The following MAGI2 variants were observed in gnomAD, a reference collection of about 807,000 sequenced individuals.
MAGI2 encodes the protein membrane-associated guanylate kinase, WW and PDZ domain-containing protein 2.
A neutral mutation model predicts 133.3 loss-of-function variants in MAGI2; 35 were observed. The ratio of observed to expected loss-of-function variants is 0.26; its 90% CI spans 0.20 to 0.35. The LOEUF (loss-of-function observed/expected upper bound fraction) is 0.35. MAGI2 is among the 10% of genes least tolerant of loss of function. The pLI, the probability that MAGI2 is intolerant of heterozygous loss-of-function variation, is 1.00. For missense variants in MAGI2, 1,636 were observed against 1,863.4 expected, an observed-to-expected ratio of 0.88 and a Z score of 2.25; for synonymous variants, 729 against 710.6, an observed-to-expected ratio of 1.03 and a Z score of -0.41.
chr7:78,678,755 G>C (rs532676543), intron 2 of MAGI2, among the ~76,000 whole-genome samples: 4 of 152,092 alleles, frequency 2.6e-5, no homozygotes, highest in South Asian at 2.1e-4. Flanking sequence ...TTTTTATTTA[G>C]ACTCATTATG....
At chr7:78,773,738 G>C (rs1167792289) in intron 2 of MAGI2, among the ~76,000 whole-genome samples, 1 of 152,170 alleles carries the variant, frequency 6.6e-6, no homozygotes, top group Non-Finnish European at 1.5e-5. Flanking sequence ...AAGGCAGGGG[G>C]TTTTCAGGCA....
intron 2 of MAGI2, among the ~76,000 whole-genome samples, chr7:78,731,886 A>C (rs1278638783): frequency 3.5e-4 from 54 of 152,140 alleles, no homozygotes; most frequent in Non-Finnish European, 2.9e-4. Flanking sequence ...ACGTGTACTC[A>C]CACAGTTGAA....
At chr7:78,914,033 C>G (rs1269833369) in intron 2 of MAGI2, among the ~76,000 whole-genome samples, 1 of 152,128 alleles carries the variant, frequency 6.6e-6, no homozygotes, top group African/African-American at 2.4e-5. Flanking sequence ...TATTTCTTCA[C>G]AGAAAGCCCA....
At chr7:78,418,825 G>A (rs549943455) in intron 6 of MAGI2, among the ~76,000 whole-genome samples, 4 of 152,232 alleles carry the variant, frequency 2.6e-5, no homozygotes, top group Admixed American at 6.6e-5. Flanking sequence ...ATAAAGCCTC[G>A]TACATAGTAA....
chr7:78,358,974 C>T (rs935456639), intron 7 of MAGI2: 1 of 152,810 alleles, frequency 6.5e-6, no homozygotes, highest in Non-Finnish European at 1.5e-5. Flanking sequence ...TGCATCACCG[C>T]CCTGGGATGT....
intron 14 of MAGI2, among the ~76,000 whole-genome samples, chr7:78,171,900 TG>T (rs1166865790): frequency 1.6e-4 from 14 of 89,692 alleles, no homozygotes; most frequent in East Asian, 8.4e-4. Context: ...TTTGTTTGTT[TG>T]TTTTTTTTTC....
intron 10 of MAGI2, 161 bp downstream of exon 10, chr7:78,255,782 A>C (rs1792902817): frequency 5.3e-6 from 4 of 748,604 alleles, no homozygotes; most frequent in Non-Finnish European, 8.8e-6. Flanking sequence ...ATTCAAAAAC[A>C]AAGTTTCCTT....
intron 1 of MAGI2, among the ~76,000 whole-genome samples, chr7:79,020,477 G>T (rs769568125): frequency 6.6e-5 from 10 of 152,138 alleles, no homozygotes; most frequent in Non-Finnish European, 1.3e-4. Context: ...CATAAGAAAT[G>T]AGGAACTGGT....
intron 1 of MAGI2, among the ~76,000 whole-genome samples, chr7:79,283,154 T>C (rs572000799): frequency 6.6e-6 from 1 of 152,204 alleles, no homozygotes; most frequent in Admixed American, 6.6e-5. Context: ...AGGATTATGT[T>C]CCCTCAGGGT....
At chr7:78,704,906 A>G (rs1010935401) in intron 2 of MAGI2, among the ~76,000 whole-genome samples, 3 of 151,736 alleles carry the variant, frequency 2.0e-5, no homozygotes, top group Admixed American at 2.0e-4. Context: ...ACAGGAACAG[A>G]AAAACAAATA....
intron 2 of MAGI2, among the ~76,000 whole-genome samples, chr7:78,682,630 C>T (rs928754186): frequency 4.6e-5 from 7 of 152,068 alleles, no homozygotes; most frequent in African/African-American, 7.2e-5. Context: ...CATTGATGGG[C>T]GTTTGGGTTG....
At chr7:78,913,279 G>A (rs1467861709) in intron 2 of MAGI2, among the ~76,000 whole-genome samples, 1 of 152,082 alleles carries the variant, frequency 6.6e-6, no homozygotes, top group Non-Finnish European at 1.5e-5. Context: ...GAATGTTTTA[G>A]CACAATCCCC....
chr7:78,612,677 A>AT (rs927827260), intron 3 of MAGI2, among the ~76,000 whole-genome samples: 77 of 149,910 alleles, frequency 5.1e-4, no homozygotes, highest in South Asian at 8.5e-4. Context: ...ATTTTTTTTA[A>AT]TTTTTTTTTT....
intron 3 of MAGI2, among the ~76,000 whole-genome samples, chr7:78,573,035 G>GTATATATATA (rs765938732): frequency 3.5e-4 from 11 of 31,674 alleles, no homozygotes; most frequent in African/African-American, 5.0e-4. Flanking sequence ...GCATATGTAT[G>GTATATATATA]TATATATATA....
At chr7:78,391,013 T>C (rs6955103) in intron 6 of MAGI2, among the ~76,000 whole-genome samples, 10,659 of 152,254 alleles carry the variant, frequency 0.07, 411 homozygotes, top group South Asian at 0.096. Context: ...GGGCCGTTTT[T>C]TCTTAGGATT....
intron 2 of MAGI2, among the ~76,000 whole-genome samples, chr7:78,809,452 A>G (rs1236034027): frequency 1.3e-5 from 2 of 152,226 alleles, no homozygotes; most frequent in Admixed American, 6.5e-5. Flanking sequence ...TGTATGTGCA[A>G]TGAAAGCCCT....
At chr7:78,222,717 A>G (rs375603380) in intron 10 of MAGI2, among the ~76,000 whole-genome samples, 1 of 152,218 alleles carries the variant, frequency 6.6e-6, no homozygotes, top group East Asian at 1.9e-4. Context: ...GTAGAGTCCA[A>G]GCTTTGCCAT....
intron 20 of MAGI2, among the ~76,000 whole-genome samples, chr7:78,081,253 C>G (rs1199290743): frequency 6.6e-6 from 1 of 152,176 alleles, no homozygotes; most frequent in African/African-American, 2.4e-5. Context: ...GAGTCTCTGT[C>G]TTCCCTCCTA....
At chr7:78,413,729 G>A (rs1244519945) in intron 6 of MAGI2, among the ~76,000 whole-genome samples, 1 of 151,984 alleles carries the variant, frequency 6.6e-6, no homozygotes, top group Non-Finnish European at 1.5e-5. Flanking sequence ...GTGCCGGGAG[G>A]CTCTTGGGCA....
Sources: gnomAD v4.1 joint callset for allele counts (sites outside exome capture counted in the v4.1 genomes callset) on GRCh38, gnomAD v4.1.1 for gene constraint, MANE v1.5 for transcripts, NCBI Gene and HGNC (gene_info 2026-07-23, HGNC 2026-07-21) for gene names.